The following PDHX variants were observed in gnomAD, a reference collection of about 807,000 sequenced individuals.
The protein encoded by PDHX is pyruvate dehydrogenase protein X component, mitochondrial.
A neutral mutation model predicts 55.3 loss-of-function variants in PDHX; 33 were observed. The observed-to-expected ratio is 0.60, with a 90% CI of 0.45 to 0.80. The LOEUF (loss-of-function observed/expected upper bound fraction) is 0.80, where lower values mean the gene tolerates loss of function less well. Among genes scored for constraint, PDHX ranks in the 30% least tolerant of loss-of-function variants. The probability of loss-of-function intolerance (pLI) is 0.00; values close to 1 mark genes in which losing one functional copy is unlikely to be tolerated. For missense variants in PDHX, 622 were observed against 619.9 expected (o/e 1.00, Z -0.04); for synonymous variants, 226 against 219.4 (o/e 1.03, Z -0.27).
At chr11:34,970,045 A>G (rs1855223326) in intron 6 of PDHX, 94 bp from the exon 7 acceptor site, 2 of 1,028,758 alleles carry the variant, frequency 1.9e-6, no homozygotes, top group African/African-American at 1.6e-5. Flanking sequence ...GGTCATTGAG[A>G]ATGAATTTCT....
intron 7 of PDHX, among the ~76,000 whole-genome samples, chr11:34,973,365 T>A (rs1171050241): frequency 3.3e-5 from 5 of 152,214 alleles, no homozygotes; most frequent in Admixed American, 2.0e-4. Flanking sequence ...CTTGCTATTT[T>A]ATCCAATTCT....
At chr11:34,922,023 G>A (rs2133937824) in intron 1 of PDHX, among the ~76,000 whole-genome samples, 1 of 152,330 alleles carries the variant, frequency 6.6e-6, no homozygotes, top group South Asian at 2.1e-4. Flanking sequence ...TTGGAACTGT[G>A]CACGTGATGA....
intron 3 of PDHX, 33 bp from the exon 4 acceptor site, chr11:34,957,351 A>T: frequency 7.2e-7 from 1 of 1,392,654 alleles, no homozygotes; most frequent in Non-Finnish European, 1.0e-6. Flanking sequence ...ATGGGGTTTT[A>T]CTTCTCTACA....
chr11:34,966,713 G>A lies in PDHX; in HGVS notation c.715G>A (p.Ala239Thr). The A allele has an allele frequency of 6.2e-7, 1 of 1,614,030 alleles. No homozygotes were observed. The highest frequency in any genetic ancestry group is 8.5e-7 in the Non-Finnish European group (1 of 1,179,982). Residue 239 changes from alanine to threonine, a missense_variant, in exon 6 of 11, where the codon GCC becomes ACC. Ala to Thr is a moderately conservative substitution (Grantham distance 58). Coordinates refer to ENST00000227868, the MANE Select transcript of PDHX (RefSeq NM_003477.3). ...TESRPTPAPTATPTAPSPLQA... is the reference protein window; with the variant it reads ...TESRPTPAPTTTPTAPSPLQA... ...GTCCAGACCAACTCCAGCCCCCACA[G>A]CCACTCCCACAGCACCTTCGCCCCT...
chr11:34,941,640 C>T lies in PDHX; in HGVS notation c.242-5866C>T, dbSNP rs1347637163. ...CATCTTTTACGTAAAGACTTTTATTCTTAATTTTTGGCAGAACAAAATTAT... is the reference window on the plus strand; with the variant it reads ...CATCTTTTACGTAAAGACTTTTATTTTTAATTTTTGGCAGAACAAAATTAT... On this transcript the variant is annotated intron_variant, in intron 2 of 10. Transcript: ENST00000227868. Among the ~76,000 whole-genome samples the T allele has an allele frequency of 1.3e-5, 2 of 152,154 alleles. 1 individual carries two copies. The highest frequency in any genetic ancestry group is 1.3e-4 in the Admixed American group (2 of 15,284).
chr11:34,973,855 C>A (rs1244590127), intron 7 of PDHX, among the ~76,000 whole-genome samples: 1 of 149,902 alleles, frequency 6.7e-6, no homozygotes, highest in Non-Finnish European at 1.5e-5. Flanking sequence ...TTTTTCATTT[C>A]TTTGTATAGA....
At chr11:34,980,671 A>C (rs1855490691) in intron 8 of PDHX, among the ~76,000 whole-genome samples, 1 of 152,136 alleles carries the variant, frequency 6.6e-6, no homozygotes, top group Non-Finnish European at 1.5e-5. Flanking sequence ...GCCTTGAAAG[A>C]TGGAAAAATG....
chr11:34,934,257 A>G (rs1854251221), intron 2 of PDHX, among the ~76,000 whole-genome samples: 1 of 152,240 alleles, frequency 6.6e-6, no homozygotes, highest in Non-Finnish European at 1.5e-5. Flanking sequence ...TCTTGCCAGA[A>G]AATTGAACCA....
chr11:34,931,448 G>A lies in PDHX; in HGVS notation c.205G>A (p.Glu69Lys), dbSNP rs1324511830. 6.2e-7 allele frequency: 1 copy of A among 1,606,700 alleles called. No individual in the cohort carries two copies. ...AATGCCATCACTGTCTCCTACAATG[G>A]AAGAAGGAAACATTGTGAAATGGCT... ...ILMPSLSPTM[E>K]EGNIVKWLKK... Residue 69 changes from glutamate (E) to lysine (K), a missense_variant, in exon 2 of 11, where the codon GAA becomes AAA. Coordinates refer to ENST00000227868, the MANE Select transcript of PDHX (RefSeq NM_003477.3).
chr11:34,979,801 A>C (rs1051613819), intron 8 of PDHX, among the ~76,000 whole-genome samples: 7 of 152,090 alleles, frequency 4.6e-5, no homozygotes, highest in Non-Finnish European at 1.0e-4. Context: ...CCAGAGTCAT[A>C]AGTAGTGGTA....
At chr11:34,988,290 A>T (rs1000108098) in intron 9 of PDHX, among the ~76,000 whole-genome samples, 1 of 152,170 alleles carries the variant, frequency 6.6e-6, no homozygotes, top group Non-Finnish European at 1.5e-5. Flanking sequence ...CCTTTTATAT[A>T]TATTAATCCT....
chr11:34,961,758 ACACACATACTGTGAAG>A (rs1191489528), intron 5 of PDHX, among the ~76,000 whole-genome samples: 1 of 152,230 alleles, frequency 6.6e-6, no homozygotes, highest in African/African-American at 2.4e-5. Flanking sequence ...TGGTTCTATC[ACACACATACTGTGAAG>A]TTCGTGCCAC....
At position 34,995,109 on chromosome 11, in the gene PDHX, A is replaced by G. The variant is rs1564937123; in HGVS notation, c.1443A>G (p.Glu481=). ...MSSDSRVVDD[E]LATRFLKSFK... is the part of the protein sequence containing the mutation. ...GTGACAGTCGAGTGGTTGATGACGA[A>G]CTGGCAACCAGGTTTCTTAAAAGTT... Residue 481 remains glutamate, a synonymous_variant, in exon 11 of 11, where the codon GAA becomes GAG. Coordinates refer to ENST00000227868, the MANE Select transcript of PDHX (RefSeq NM_003477.3). The G allele has an allele frequency of 6.2e-7, 1 of 1,614,052 alleles. No individual in the cohort carries two copies. Among genetic ancestry groups the G allele is most frequent in the Non-Finnish European group, 8.5e-7 (1 of 1,179,932 alleles).
intron 1 of PDHX, among the ~76,000 whole-genome samples, chr11:34,922,774 A>G (rs757659195): frequency 3.5e-5 from 5 of 144,094 alleles, no homozygotes; most frequent in Non-Finnish European, 7.7e-5. Flanking sequence ...GTAAATTTCT[A>G]AGGTGATGTA....
chr11:34,989,220 T>C (rs528409124), intron 9 of PDHX, among the ~76,000 whole-genome samples: 1 of 152,348 alleles, frequency 6.6e-6, no homozygotes, highest in African/African-American at 2.4e-5. Context: ...TTTAATCTTA[T>C]GGGACCACTG....
intron 3 of PDHX, among the ~76,000 whole-genome samples, chr11:34,954,905 A>G (rs1490662615): frequency 6.6e-6 from 1 of 152,196 alleles, no homozygotes; most frequent in African/African-American, 2.4e-5. Context: ...AAGGTCACAT[A>G]ACTAGTAAGT....
At chr11:34,977,909 T>C (rs1266546875) in intron 7 of PDHX, 33 of 590,044 alleles carry the variant, frequency 5.6e-5, no homozygotes, top group South Asian at 5.2e-4. Flanking sequence ...GGCCCAGAAG[T>C]AAACTTACAT....
chr11:34,976,260 T>C, intron 7 of PDHX, among the ~76,000 whole-genome samples: 1 of 152,224 alleles, frequency 6.6e-6, no homozygotes, highest in East Asian at 1.9e-4. Flanking sequence ...CATAACATTC[T>C]GTATGCATGC....
chr11:34,918,903 C>G (rs542145704), intron 1 of PDHX, among the ~76,000 whole-genome samples: 9 of 152,280 alleles, frequency 5.9e-5, no homozygotes, highest in African/African-American at 1.9e-4. Context: ...CATTACGTCA[C>G]TCTTAATACT....
Sources: gnomAD v4.1 joint callset for allele counts (sites outside exome capture counted in the v4.1 genomes callset) on GRCh38, gnomAD v4.1.1 for gene constraint, MANE v1.5 for transcripts, NCBI Gene and HGNC (gene_info 2026-07-23, HGNC 2026-07-21) for gene names.